Variants in OR5B3 observed in about 807,000 individuals in gnomAD.
OR5B3 encodes olfactory receptor family 5 subfamily B member 3, also known as olfactory receptor 5B3.
For synonymous variants in OR5B3, 150 were observed against 135.0 expected (o/e 1.11, Z -0.77); for missense variants, 430 against 375.4 (o/e 1.15, Z -1.20).
chr11:58,402,910 C>T lies in OR5B3; in HGVS notation c.500G>A (p.Cys167Tyr), dbSNP rs1298897036. The T allele has an allele frequency of 6.2e-7, 1 of 1,613,858 alleles. No homozygotes were observed. Among genetic ancestry groups the T allele is most frequent in the Non-Finnish European group, 8.5e-7 (1 of 1,179,914 alleles). Residue 167 changes from cysteine (C) to tyrosine (Y), a missense_variant, in exon 2 of 2, where the codon TGT (cysteine) becomes TAT (tyrosine). Physicochemically the swap from Cys to Tyr is radical, Grantham distance 194 (BLOSUM62 -2). Transcript: ENST00000641865. Reference sequence around the variant, plus strand: ...AAAGTGATGGACTTCATTGGACTTACAGAAAGAGAGACTAAATGTGTCCCC... The same window carrying T: ...AAAGTGATGGACTTCATTGGACTTATAGAAAGAGAGACTAAATGTGTCCCC... ...HTGDTFSLSF[C>Y]KSNEVHHFFC...
chr11:58,402,922 C>G lies in OR5B3; in HGVS notation c.488G>C (p.Ser163Thr). The G allele has an allele frequency of 1.2e-6, 2 of 1,613,984 alleles. No individual in the cohort carries two copies. Among genetic ancestry groups the G allele is most frequent in the Non-Finnish European group, 1.7e-6 (2 of 1,179,902 alleles). ...TTCATTGGACTTACAGAAAGAGAGA[C>G]TAAATGTGTCCCCAGTGTGGATGGA... Reference protein sequence around the residue: ...NASIHTGDTFSLSFCKSNEVH... With the variant: ...NASIHTGDTFTLSFCKSNEVH... Residue 163 changes from serine (S) to threonine (T), a missense_variant, in exon 2 of 2, where the codon AGT (serine) becomes ACT (threonine). Ser to Thr is a moderately conservative substitution (Grantham distance 58, BLOSUM62 1). Transcript: ENST00000641865.
At position 58,402,928 on chromosome 11, in the gene OR5B3, G is replaced by T. The variant is rs774550311; in HGVS notation, c.482C>A (p.Thr161Lys). The T allele has an allele frequency of 8.1e-6, 13 of 1,613,816 alleles. No homozygotes were observed. Among genetic ancestry groups the T allele is most frequent in the Admixed American group, 5.0e-5 (3 of 59,974 alleles). The change falls in exon 2 of 2, where the codon ACA becomes AAA. Residue 161 changes from threonine (T) to lysine (K), a missense_variant. Thr to Lys is a moderately conservative substitution (Grantham distance 78). Transcript: ENST00000641865. Reference sequence around the variant, plus strand: ...GGACTTACAGAAAGAGAGACTAAATGTGTCCCCAGTGTGGATGGAGGCATT... The same window carrying T: ...GGACTTACAGAAAGAGAGACTAAATTTGTCCCCAGTGTGGATGGAGGCATT... ...FLNASIHTGD[T>K]FSLSFCKSNE...
Position 58,403,386 on chromosome 11 carries a change from T to C in OR5B3, c.24A>G (p.Thr8=). Residue 8 remains threonine, a synonymous_variant, in exon 2 of 2, where the codon ACA becomes ACG. Coordinates refer to ENST00000641865, the MANE Select transcript of OR5B3 (RefSeq NM_001005469.2). Reference sequence around the variant, plus strand: ...TGGTTAGTCCTAGAAGAATGAATTGTGTTACTTCTGTCTTATTTTCCATCA... The same window carrying C: ...TGGTTAGTCCTAGAAGAATGAATTGCGTTACTTCTGTCTTATTTTCCATCA... MENKTEV[T]QFILLGLTND... is the part of the protein sequence containing the mutation. 6.3e-7 allele frequency: 1 copy of C among 1,583,052 alleles called. No individual in the cohort carries two copies. Among genetic ancestry groups the C allele is most frequent in the Non-Finnish European group, 8.6e-7 (1 of 1,163,778 alleles).
At chr11:58,406,033 C>A (rs1218920575) in intron 1 of OR5B3, among the ~76,000 whole-genome samples, 3 of 152,142 alleles carry the variant, frequency 2.0e-5, no homozygotes, top group Admixed American at 1.3e-4. Flanking sequence ...AAACACTTGG[C>A]AACTTCACTT....
chr11:58,405,036 A>T (rs1855082788), intron 1 of OR5B3, among the ~76,000 whole-genome samples: 1 of 152,086 alleles, frequency 6.6e-6, no homozygotes, highest in Non-Finnish European at 1.5e-5. Flanking sequence ...GTAGTTTTTA[A>T]GCCCACCCTC....
At chr11:58,405,681 G>A (rs1425363415) in intron 1 of OR5B3, among the ~76,000 whole-genome samples, 2 of 152,062 alleles carry the variant, frequency 1.3e-5, no homozygotes, top group Non-Finnish European at 2.9e-5. Context: ...GGGATGATCT[G>A]TACAGCTAAT....
At chr11:58,404,980 G>A (rs1019831652) in intron 1 of OR5B3, among the ~76,000 whole-genome samples, 3 of 152,122 alleles carry the variant, frequency 2.0e-5, no homozygotes, top group Non-Finnish European at 2.9e-5. Context: ...GCTGAGGTTT[G>A]GAGTATGGAT....
Position 58,403,334 on chromosome 11 carries a change from A to C in OR5B3, c.76T>G (p.Phe26Val), listed in dbSNP as rs1232149833. ...TNDSELQVPL[F>V]ITFPFIYIIT... ...ATATAGATGAAGGGGAACGTTATAA[A>C]GAGGGGAACCTGCAGTTCTGAGTCA... The change falls in exon 2 of 2, where the codon TTT (phenylalanine) becomes GTT (valine). Residue 26 changes from phenylalanine to valine, a missense_variant. Physicochemically the swap from Phe to Val is conservative, Grantham distance 50 (BLOSUM62 -1). Coordinates refer to ENST00000641865, the MANE Select transcript of OR5B3 (RefSeq NM_001005469.2). 6.2e-7 allele frequency: 1 copy of C among 1,612,876 alleles called. No homozygotes were observed. The highest frequency in any genetic ancestry group is 1.1e-5 in the South Asian group (1 of 91,034).
At chr11:58,406,064 G>T (rs977555267) in intron 1 of OR5B3, among the ~76,000 whole-genome samples, 27 of 152,192 alleles carry the variant, frequency 1.8e-4, no homozygotes, top group Middle Eastern at 3.4e-3. Flanking sequence ...ACCTATGAAG[G>T]TGTTATGTTG....
Position 58,403,348 on chromosome 11 carries a change from A to G in OR5B3, c.62T>C (p.Leu21Pro). ...GAACGTTATAAAGAGGGGAACCTGC[A>G]GTTCTGAGTCATTGGTTAGTCCTAG... is the stretch of plus-strand genomic sequence containing the variant. ...ILLGLTNDSELQVPLFITFPF... is the reference protein window; with the variant it reads ...ILLGLTNDSEPQVPLFITFPF... The change falls in exon 2 of 2, where the codon CTG becomes CCG. Residue 21 changes from leucine to proline, a missense_variant. Coordinates refer to ENST00000641865, the MANE Select transcript of OR5B3 (RefSeq NM_001005469.2). 3 of 1,612,026 alleles carry G rather than the reference A, an allele frequency of 1.9e-6. No homozygotes were observed. In the East Asian group the frequency reaches 6.7e-5, roughly 36 times the overall value.
rs751209981 is a variant in OR5B3 at position 58,403,200 on chromosome 11, G to A, written c.210C>T (p.Cys70=). The A allele has an allele frequency of 1.2e-5, 19 of 1,613,724 alleles. No homozygotes were observed. Among genetic ancestry groups the A allele is most frequent in the African/African-American group, 2.7e-5 (2 of 74,904 alleles). The stretch of plus-strand genomic sequence containing the variant: ...CGATGGGAGTGACAGCTGAAGAGTA[G>A]CAAAAGTCCACTAGAGACAAGTTAC... ...FLSNLSLVDF[C]YSSAVTPIVM... Residue 70 remains cysteine (C), a synonymous_variant, in exon 2 of 2, where the codon TGC becomes TGT. Coordinates refer to ENST00000641865, the MANE Select transcript of OR5B3 (RefSeq NM_001005469.2).
chr11:58,403,485 T>A (rs930637467), intron 1 of OR5B3, 50 bp from the exon 2 acceptor site: 1 of 816,070 alleles, frequency 1.2e-6, no homozygotes, highest in Admixed American at 2.4e-5. Context: ...TGAATTAAAA[T>A]TGAAAAGTAT....
Position 58,403,188 on chromosome 11 carries a change from A to G in OR5B3, c.222T>C (p.Ala74=), listed in dbSNP as rs994734173. ...ATCCAGCCATGACGATGGGAGTGAC[A>G]GCTGAAGAGTAGCAAAAGTCCACTA... ...LSLVDFCYSS[A]VTPIVMAGFL... Residue 74 remains alanine (A), a synonymous_variant, in exon 2 of 2, where the codon GCT becomes GCC. Transcript: ENST00000641865. 6.8e-6 allele frequency: 11 copies of G among 1,613,816 alleles called. No homozygotes were observed. In the Admixed American group the frequency reaches 1.0e-4, roughly 15 times the overall value.
In OR5B3 at chr11:58,404,191, C is replaced by T. The variant is rs544480075; in HGVS notation, c.-26-756G>A. Among the ~76,000 whole-genome samples, 143 of 151,984 alleles carry T rather than the reference C, an allele frequency of 9.4e-4. 1 individual carries two copies. The highest frequency in any genetic ancestry group is 3.4e-3 in the Middle Eastern group (1 of 294). On this transcript the variant is annotated intron_variant, in intron 1 of 1. Coordinates refer to ENST00000641865, the MANE Select transcript of OR5B3 (RefSeq NM_001005469.2). ...GAGAGAAGCCTATCACCAAACAGAG[C>T]AGATACAGAGCTTGAGTTCTTGAAA...
At chr11:58,405,046 C>G (rs560450840) in intron 1 of OR5B3, among the ~76,000 whole-genome samples, 3 of 152,274 alleles carry the variant, frequency 2.0e-5, no homozygotes, top group African/African-American at 7.2e-5. Context: ...AGCCCACCCT[C>G]TCTTTCTCCA....
In OR5B3 at chr11:58,402,664, A is replaced by T; in HGVS notation, c.746T>A (p.Phe249Tyr). Residue 249 changes from phenylalanine (F) to tyrosine (Y), a missense_variant, in exon 2 of 2, where the codon TTC becomes TAC. Phe to Tyr is a conservative substitution (Grantham distance 22). Transcript: ENST00000641865. ...CASHFIAVGI[F>Y]YGTIIFMYLQ... is the part of the protein sequence containing the mutation. The stretch of plus-strand genomic sequence containing the variant: ...GTACATGAAGATAATAGTCCCATAG[A>T]AGATGCCGACTGCAATGAAATGAGA... 6.2e-7 allele frequency: 1 copy of T among 1,613,962 alleles called. No homozygotes were observed.
At chr11:58,404,623 G>A (rs1392085349) in intron 1 of OR5B3, among the ~76,000 whole-genome samples, 1 of 151,770 alleles carries the variant, frequency 6.6e-6, no homozygotes, top group Non-Finnish European at 1.5e-5. Context: ...GTCTGCTCCG[G>A]AAGATTCACA....
rs1855053641 is a variant in OR5B3, at chr11:58,403,033, T to TAGGCCGCTGC, written c.376_377insGCAGCGGCCT (p.Lys126SerfsTer41). ...CATGGTTGTGGTGTAATGTAGGGGT[T>TAGGCCGCTGC]TGCACACTGCTGCATAGCGGTCATA... On this transcript the variant is annotated frameshift_variant, in exon 2 of 2. Transcript: ENST00000641865. LOFTEE classifies it low-confidence loss of function (END_TRUNC). 1 of 1,613,924 alleles carries TAGGCCGCTGC rather than the reference T, an allele frequency of 6.2e-7. No individual in the cohort carries two copies. Among genetic ancestry groups the TAGGCCGCTGC allele is most frequent in the African/African-American group, 1.3e-5 (1 of 74,894 alleles).
intron 1 of OR5B3, among the ~76,000 whole-genome samples, chr11:58,405,887 T>C (rs1165997748): frequency 1.3e-5 from 2 of 152,116 alleles, no homozygotes; most frequent in Non-Finnish European, 2.9e-5. Context: ...GTGGTACATA[T>C]ACACCATGGA....
Sources: allele counts gnomAD v4.1 joint callset (sites outside exome capture counted in the v4.1 genomes callset), GRCh38; gene constraint gnomAD v4.1.1; transcripts MANE v1.5; gene names NCBI Gene and HGNC (gene_info 2026-07-23, HGNC 2026-07-21).